Variants in MTX2 observed in about 807,000 individuals in gnomAD.
The protein encoded by MTX2 is metaxin-2.
In MTX2, 35 loss-of-function variants were observed where a neutral mutation model predicts 42.3. The observed-to-expected ratio is 0.83, with a 90% CI of 0.63 to 1.10. The LOEUF is 1.10. MTX2 is among the 50% of genes least tolerant of loss of function. MTX2 has a pLI of 0.00. For missense variants in MTX2, 307 were observed against 304.1 expected, an observed-to-expected ratio of 1.01 and a Z score of -0.07; for synonymous variants, 119 against 100.9, an observed-to-expected ratio of 1.18 and a Z score of -1.08.
At chr2:176,280,488 T>C (rs577403206) in intron 1 of MTX2, among the ~76,000 whole-genome samples, 35 of 152,216 alleles carry the variant, frequency 2.3e-4, no homozygotes, top group Non-Finnish European at 3.7e-4. Context: ...CACTTTCTTA[T>C]GTTTATGAAT....
At chr2:176,295,523 A>G (rs1476189311) in intron 1 of MTX2, among the ~76,000 whole-genome samples, 1 of 152,124 alleles carries the variant, frequency 6.6e-6, no homozygotes, top group Non-Finnish European at 1.5e-5. Context: ...TCCCTTACGT[A>G]TATGTGTAGT....
intron 4 of MTX2, among the ~76,000 whole-genome samples, chr2:176,325,692 TG>T: frequency 6.6e-6 from 1 of 151,828 alleles, no homozygotes; most frequent in African/African-American, 2.4e-5. Context: ...GTAATAATTC[TG>T]GTAGTATAGT....
At chr2:176,283,683 C>T (rs903473594) in intron 1 of MTX2, among the ~76,000 whole-genome samples, 1 of 152,128 alleles carries the variant, frequency 6.6e-6, no homozygotes, top group Non-Finnish European at 1.5e-5. Flanking sequence ...AACATAGGTG[C>T]TGACATTACA....
chr2:176,297,898 A>C lies in MTX2; in HGVS notation c.135+3A>C, dbSNP rs772097713. The C allele has an allele frequency of 1.3e-6, 2 of 1,552,676 alleles. No individual in the cohort carries two copies. Among genetic ancestry groups the C allele is most frequent in the Non-Finnish European group, 1.7e-6 (2 of 1,145,328 alleles). ...ATGCAGCTTCTCTTGCAGTGCAGGT[A>C]AATATGTAAATAATGTAATATCTTT... On this transcript the variant is annotated splice_donor_region_variant and intron_variant, in intron 3 of 9. Transcript: ENST00000249442.
chr2:176,294,911 C>T (rs1467726523), intron 1 of MTX2, among the ~76,000 whole-genome samples: 1 of 152,032 alleles, frequency 6.6e-6, no homozygotes, highest in Non-Finnish European at 1.5e-5. Context: ...GTAATGCATG[C>T]CTAGTATGTG....
At position 176,337,516 on chromosome 2, in the gene MTX2, T is replaced by C. The variant is rs1490131663; in HGVS notation, c.644T>C (p.Val215Ala). 9.9e-6 allele frequency: 16 copies of C among 1,608,340 alleles called. No homozygotes were observed. The highest frequency in any genetic ancestry group is 1.4e-5 in the Non-Finnish European group (16 of 1,177,458). ...NKQPTELDAL[V>A]FGHLYTILTT... ...AGGCCTACTGAACTTGACGCACTGG[T>C]ATTTGGCCATCTATACACCATTCTT... Residue 215 changes from valine (V) to alanine (A), a missense_variant, in exon 10 of 10, where the codon GTA becomes GCA. Val to Ala is a moderately conservative substitution (Grantham distance 64, BLOSUM62 0). Coordinates refer to ENST00000249442, the MANE Select transcript of MTX2 (RefSeq NM_006554.5).
chr2:176,328,834 T>G, intron 6 of MTX2, 40 bp from the exon 7 acceptor site: 1 of 1,576,622 alleles, frequency 6.3e-7, no homozygotes, highest in Non-Finnish European at 8.7e-7. Flanking sequence ...CTTTTCCTCT[T>G]TGGTATTCTA....
chr2:176,310,019 G>C (rs1333946809), intron 3 of MTX2, among the ~76,000 whole-genome samples: 1 of 152,070 alleles, frequency 6.6e-6, no homozygotes, highest in Non-Finnish European at 1.5e-5. Flanking sequence ...TTACAGTTTG[G>C]CCTGTTTTTG....
intron 3 of MTX2, among the ~76,000 whole-genome samples, chr2:176,303,383 T>C (rs1055532870): frequency 5.3e-5 from 8 of 152,068 alleles, no homozygotes; most frequent in South Asian, 2.1e-4. Context: ...AAGGGATAAA[T>C]AGAATTTAGT....
chr2:176,302,126 G>GTTTTTTTTTTTTTT (rs80143449), intron 3 of MTX2, among the ~76,000 whole-genome samples: 9 of 125,256 alleles, frequency 7.2e-5, no homozygotes, highest in African/African-American at 2.3e-4. Context: ...AAAAGCTGGT[G>GTTTTTTTTTTTTTT]TTTTTTTTTT....
At chr2:176,317,052 C>A (rs2885207) in intron 3 of MTX2, among the ~76,000 whole-genome samples, 74,866 of 146,688 alleles carry the variant, frequency 0.51, 19,556 homozygotes, top group Admixed American at 0.62. Flanking sequence ...AAAAAAAAAA[C>A]AAAAACTTTT....
chr2:176,309,323 A>T (rs1684234590), intron 3 of MTX2, among the ~76,000 whole-genome samples: 1 of 152,144 alleles, frequency 6.6e-6, no homozygotes, highest in South Asian at 2.1e-4. Flanking sequence ...TATGTGGTCA[A>T]TTTTAGAATA....
rs768201843 is a variant in MTX2 at position 176,326,916 on chromosome 2, T to C, written c.285+15T>C. The C allele has an allele frequency of 7.1e-7, 1 of 1,404,870 alleles. No homozygotes were observed. Among genetic ancestry groups the C allele is most frequent in the South Asian group, 1.3e-5 (1 of 79,470 alleles). The allele number at this position is 1,404,870 out of a possible 1,614,324, so 87.0% of individuals were successfully genotyped here. ...TTAAAGCCAAGGTAATAAAAAGATA[T>C]TAAATGTATTTGATCAGTTACCAAG... On this transcript the variant is annotated intron_variant, in intron 5 of 9. Transcript: ENST00000249442.
At chr2:176,319,550 T>A (rs1684525927) in intron 3 of MTX2, among the ~76,000 whole-genome samples, 1 of 151,328 alleles carries the variant, frequency 6.6e-6, no homozygotes, top group Admixed American at 6.6e-5. Flanking sequence ...TGCCACCACA[T>A]GCTGCTAATT....
At chr2:176,325,995 GA>G (rs3841878) in intron 4 of MTX2, among the ~76,000 whole-genome samples, 78,349 of 151,336 alleles carry the variant, frequency 0.52, 20,609 homozygotes, top group Admixed American at 0.62. Flanking sequence ...TATTGAAAAG[GA>G]ACAGGAAGAA....
At chr2:176,302,995 C>G (rs1331717379) in intron 3 of MTX2, among the ~76,000 whole-genome samples, 1 of 152,118 alleles carries the variant, frequency 6.6e-6, no homozygotes, top group East Asian at 1.9e-4. Flanking sequence ...TGTGAAAATA[C>G]AGCTGCTGTA....
intron 1 of MTX2, among the ~76,000 whole-genome samples, chr2:176,290,237 A>G (rs1026092096): frequency 1.3e-5 from 2 of 152,042 alleles, no homozygotes; most frequent in Admixed American, 6.6e-5. Context: ...TTGTGGGGGA[A>G]ATTTGAAGTA....
intron 1 of MTX2, among the ~76,000 whole-genome samples, chr2:176,281,236 C>T (rs1693071373): frequency 6.6e-6 from 1 of 152,062 alleles, no homozygotes; most frequent in South Asian, 2.1e-4. Context: ...GTATACAGCA[C>T]AGGAAAGATG....
At chr2:176,270,375 G>GATT in intron 1 of MTX2, 1 of 1,363,622 alleles carries the variant, frequency 7.3e-7, no homozygotes, top group South Asian at 1.1e-5. Context: ...GTACTTTAAA[G>GATT]AAATACTTTT....
Sources: gnomAD v4.1 joint callset for allele counts (sites outside exome capture counted in the v4.1 genomes callset) on GRCh38, gnomAD v4.1.1 for gene constraint, MANE v1.5 for transcripts, NCBI Gene and HGNC (gene_info 2026-07-23, HGNC 2026-07-21) for gene names.